The following ACSBG2 variants were observed in gnomAD, a reference collection of about 807,000 sequenced individuals.
ACSBG2 encodes acyl-CoA synthetase bubblegum family member 2.
ACSBG2 carries 62 observed loss-of-function variants against 74.7 expected under a neutral mutation model. That is an observed-to-expected ratio of 0.83 (90% CI 0.68 to 1.03). The LOEUF (loss-of-function observed/expected upper bound fraction) is 1.03, where lower values mean the gene tolerates loss of function less well. Ranked by LOEUF, ACSBG2 falls within the 50% of genes least tolerant of loss-of-function variation. The pLI, the probability that ACSBG2 is intolerant of heterozygous loss-of-function variation, is 0.00. For missense variants in ACSBG2, 730 were observed against 817.6 expected (o/e 0.89, Z 1.31); for synonymous variants, 309 against 294.1 (o/e 1.05, Z -0.52).
rs761562256 is a variant in ACSBG2 at position 6,147,461 on chromosome 19, G to C, written c.83G>C (p.Trp28Ser). The change falls in exon 3 of 15, where the codon TGG becomes TCG. Residue 28 changes from tryptophan to serine, a missense_variant. By Grantham distance (177) the Trp-to-Ser change is radical. Coordinates refer to ENST00000588485, the MANE Select transcript of ACSBG2 (RefSeq NM_030924.5). ...CTATTTGCAGTTACTCCCAGGCTGT[G>C]GACCACCTGTCGAGATGGAGAAGTC... ...MNKTEVTPRL[W>S]TTCRDGEVLL... 6.2e-7 allele frequency: 1 copy of C among 1,613,962 alleles called. No homozygotes were observed. Among genetic ancestry groups the C allele is most frequent in the African/African-American group, 1.3e-5 (1 of 74,906 alleles).
intron 4 of ACSBG2, among the ~76,000 whole-genome samples, chr19:6,154,322 C>T (rs531707473): frequency 8.0e-5 from 12 of 149,632 alleles, no homozygotes; most frequent in Admixed American, 5.4e-4. Flanking sequence ...CACTTGAACC[C>T]GGGACGCAGA....
At chr19:6,161,683 C>A in intron 6 of ACSBG2, 1 of 177,446 alleles carries the variant, frequency 5.6e-6, no homozygotes. Flanking sequence ...TGGGGCTTTG[C>A]AAAGGGAAGT....
At chr19:6,144,540 G>A (rs1027239259) in intron 2 of ACSBG2, among the ~76,000 whole-genome samples, 15 of 152,172 alleles carry the variant, frequency 9.9e-5, no homozygotes, top group African/African-American at 3.6e-4. Flanking sequence ...AACCAGTGCT[G>A]CCTGCACCTT....
intron 7 of ACSBG2, among the ~76,000 whole-genome samples, chr19:6,167,836 T>C (rs894647611): frequency 1.3e-5 from 2 of 152,200 alleles, no homozygotes; most frequent in Non-Finnish European, 2.9e-5. Context: ...GTTCAGACAT[T>C]ACAGAAGCCC....
chr19:6,149,138 GA>G (rs776391903), intron 3 of ACSBG2, among the ~76,000 whole-genome samples: 4 of 151,988 alleles, frequency 2.6e-5, no homozygotes, highest in Admixed American at 6.6e-5. Flanking sequence ...GACCGAAGTA[GA>G]AACAAAACCA....
intron 3 of ACSBG2, among the ~76,000 whole-genome samples, chr19:6,150,866 C>A (rs757471618): frequency 2.0e-5 from 3 of 151,976 alleles, no homozygotes; most frequent in Non-Finnish European, 4.4e-5. Flanking sequence ...CAGGCGTGAG[C>A]ACTTTGGGAG....
At chr19:6,156,300 G>A in intron 4 of ACSBG2, 131 bp from the exon 5 acceptor site, 2 of 918,358 alleles carry the variant, frequency 2.2e-6, no homozygotes, top group Non-Finnish European at 3.1e-6. Flanking sequence ...AGTTGGGGAG[G>A]AAGGGAAGCT....
intron 7 of ACSBG2, 89 bp downstream of exon 7, chr19:6,166,104 A>G: frequency 6.5e-7 from 1 of 1,530,788 alleles, no homozygotes; most frequent in Non-Finnish European, 8.9e-7. Context: ...TCCAGGGTCT[A>G]GTACGCAGTG....
chr19:6,170,633 A>G (rs927110711), intron 7 of ACSBG2, among the ~76,000 whole-genome samples: 7 of 152,172 alleles, frequency 4.6e-5, no homozygotes, highest in African/African-American at 1.7e-4. Context: ...ATTTTTTTAA[A>G]TTTATTAAGA....
rs56273613 is a variant in ACSBG2, at chr19:6,161,099, C to CAAAAA, written c.508-107_508-103dup. 2,852 of 564,058 alleles carry CAAAAA rather than the reference C, an allele frequency of 5.1e-3. 11 individuals are homozygous for CAAAAA. The highest frequency in any genetic ancestry group is 6.1e-3 in the East Asian group (168 of 27,736). 34.9% of individuals were successfully genotyped at this position (564,058 alleles called of 1,614,324 possible). ...TGGGCGACAGAGCAAGACTGTGTCTCAAAAAAAAAAAAAGAGGCTAGAGTT... is the reference window on the plus strand; with the variant it reads ...TGGGCGACAGAGCAAGACTGTGTCTCAAAAAAAAAAAAAAAAAAGAGGCTAGAGTT... On this transcript the variant is annotated intron_variant, in intron 5 of 14. Coordinates refer to ENST00000588485, the MANE Select transcript of ACSBG2 (RefSeq NM_030924.5).
chr19:6,153,880 A>AGAAAAAAGAAAAG (rs1555691557), intron 4 of ACSBG2, among the ~76,000 whole-genome samples: 1 of 107,694 alleles, frequency 9.3e-6, no homozygotes. Flanking sequence ...AAAGAAAAGA[A>AGAAAAAAGAAAAG]AAGGAAAAGA....
At chr19:6,146,696 C>A (rs1265953496) in intron 2 of ACSBG2, among the ~76,000 whole-genome samples, 1 of 151,752 alleles carries the variant, frequency 6.6e-6, no homozygotes, top group African/African-American at 2.4e-5. Flanking sequence ...ACCCGGGAGG[C>A]GGAGGTTGCA....
chr19:6,171,682 A>C (rs183778692), intron 7 of ACSBG2, among the ~76,000 whole-genome samples: 1 of 152,004 alleles, frequency 6.6e-6, no homozygotes, highest in Non-Finnish European at 1.5e-5. Context: ...TCTGATGACT[A>C]TATGCCTCGG....
At chr19:6,137,207 GT>G (rs1444461918) in intron 1 of ACSBG2, 2 of 136,554 alleles carry the variant, frequency 1.5e-5, no homozygotes, top group Non-Finnish European at 3.1e-5. Context: ...AGGTGGCGGG[GT>G]TGGGGGGGGG....
At chr19:6,139,620 C>G (rs1457891634) in intron 1 of ACSBG2, among the ~76,000 whole-genome samples, 6 of 152,168 alleles carry the variant, frequency 3.9e-5, no homozygotes. Context: ...TTGTGTCAAG[C>G]ACGCTCTTTA....
At chr19:6,144,410 T>C (rs2088956370) in intron 2 of ACSBG2, among the ~76,000 whole-genome samples, 1 of 152,140 alleles carries the variant, frequency 6.6e-6, no homozygotes, top group South Asian at 2.1e-4. Flanking sequence ...GAGAATGTCA[T>C]GTGAGGATCG....
chr19:6,137,929 C>T (rs796322015), intron 1 of ACSBG2, among the ~76,000 whole-genome samples: 11 of 152,296 alleles, frequency 7.2e-5, no homozygotes, highest in African/African-American at 2.6e-4. Context: ...ACTGGGATTA[C>T]AGGCATGAGC....
chr19:6,155,805 A>AG (rs2089400472), intron 4 of ACSBG2, among the ~76,000 whole-genome samples: 1 of 151,498 alleles, frequency 6.6e-6, no homozygotes, highest in Non-Finnish European at 1.5e-5. Flanking sequence ...AAAAAAAAAA[A>AG]AAATGGTGAA....
rs183289016 is a variant in ACSBG2, at chr19:6,150,268, A to G, written c.298-1439A>G. Among the ~76,000 whole-genome samples, 377 of 149,972 alleles carry G rather than the reference A, an allele frequency of 2.5e-3. 2 individuals carry two copies. The highest frequency in any genetic ancestry group is 8.2e-3 in the African/African-American group (335 of 40,770). On this transcript the variant is annotated intron_variant, in intron 3 of 14. Coordinates refer to ENST00000588485, the MANE Select transcript of ACSBG2 (RefSeq NM_030924.5). Reference sequence around the variant, plus strand: ...GCCGCCACTGTGGAAAAGTCTGGCGATTTCTAAAAAAAGAAAAAATGTAAA... The same window carrying G: ...GCCGCCACTGTGGAAAAGTCTGGCGGTTTCTAAAAAAAGAAAAAATGTAAA...
Sources: gnomAD v4.1 joint callset for allele counts (sites outside exome capture counted in the v4.1 genomes callset) on GRCh38, gnomAD v4.1.1 for gene constraint, MANE v1.5 for transcripts, NCBI Gene and HGNC (gene_info 2026-07-23, HGNC 2026-07-21) for gene names.